Variants in ANK3 observed in about 807,000 individuals in gnomAD.
ANK3 encodes the protein ankyrin-3.
In ANK3, 57 loss-of-function variants were observed where a neutral mutation model predicts 370.9. That is an observed-to-expected ratio of 0.15 (90% CI 0.12 to 0.19). The LOEUF (loss-of-function observed/expected upper bound fraction) is 0.19, where lower values mean the gene tolerates loss of function less well. Ranked by LOEUF, ANK3 falls within the 10% of genes least tolerant of loss-of-function variation. ANK3 has a pLI of 1.00. For synonymous variants in ANK3, 1,929 were observed against 1,946.3 expected (o/e 0.99, Z 0.23); for missense variants, 4,439 against 5,302.1 (o/e 0.84, Z 5.06).
intron 1 of ANK3, among the ~76,000 whole-genome samples, chr10:60,377,176 A>G (rs75342328): frequency 6.6e-6 from 1 of 152,164 alleles, no homozygotes; most frequent in Non-Finnish European, 1.5e-5. Context: ...AGGTCCTTGC[A>G]GAAGAGGGGA....
chr10:60,422,770 C>A (rs2063804489), intron 2 of ANK3, among the ~76,000 whole-genome samples: 1 of 151,842 alleles, frequency 6.6e-6, no homozygotes, highest in Non-Finnish European at 1.5e-5. Flanking sequence ...GAGAGCTTTG[C>A]CAAATATTAA....
Position 60,027,291 on chromosome 10 carries a change from T to C in ANK3, c.*2555A>G, listed in dbSNP as rs2072450549. The C allele has an allele frequency of 6.8e-6, 1 of 146,232 alleles. No homozygotes were observed. Among genetic ancestry groups the C allele is most frequent in the Non-Finnish European group, 1.5e-5 (1 of 65,724 alleles). 9.1% of individuals were successfully genotyped at this position (146,232 alleles called of 1,614,324 possible). ...CAGAGAGGCATTTTGGGAAAGTTTT[T>C]TTTTTTTTTTTTTTTTAAAAAAAAA... On this transcript the variant is annotated 3_prime_UTR_variant, in exon 44 of 44. Transcript: ENST00000280772.
chr10:60,278,334 T>C (rs911838174), intron 4 of ANK3, among the ~76,000 whole-genome samples: 5 of 152,184 alleles, frequency 3.3e-5, no homozygotes, highest in African/African-American at 1.2e-4. Flanking sequence ...CTCACACACA[T>C]ATATATTGCA....
At chr10:60,266,119 GCC>G (rs1333681143) in intron 5 of ANK3, among the ~76,000 whole-genome samples, 6 of 152,054 alleles carry the variant, frequency 3.9e-5, no homozygotes, top group Non-Finnish European at 8.8e-5. Context: ...ATTCCCTGAA[GCC>G]TTAAGAAAGA....
chr10:60,049,995 G>T (rs1366069576), intron 42 of ANK3, among the ~76,000 whole-genome samples: 1 of 152,150 alleles, frequency 6.6e-6, no homozygotes, highest in East Asian at 1.9e-4. Context: ...ACATTAGTAT[G>T]TGATATGTTA....
intron 8 of ANK3, among the ~76,000 whole-genome samples, chr10:60,224,103 G>A (rs959121493): frequency 9.5e-5 from 14 of 147,252 alleles, no homozygotes; most frequent in African/African-American, 3.5e-4. Context: ...CTAGACAAAG[G>A]CAATTTCGGG....
chr10:60,085,588 A>G (rs1476417871), intron 30 of ANK3, among the ~76,000 whole-genome samples: 1 of 149,524 alleles, frequency 6.7e-6, no homozygotes, highest in Non-Finnish European at 1.5e-5. Context: ...GTTGTTTCAG[A>G]TGGATAATTA....
intron 1 of ANK3, among the ~76,000 whole-genome samples, chr10:60,714,218 A>G (rs1596198): frequency 0.36 from 55,184 of 152,100 alleles, 10,171 homozygotes; most frequent in Middle Eastern, 0.41. Context: ...AATCTGAATA[A>G]TCCTTATCTA....
chr10:60,561,262 C>T (rs1178996622), intron 2 of ANK3, among the ~76,000 whole-genome samples: 1 of 152,100 alleles, frequency 6.6e-6, no homozygotes. Flanking sequence ...ATTTCATAAG[C>T]TTCATTGATA....
intron 16 of ANK3, among the ~76,000 whole-genome samples, chr10:60,189,516 G>A (rs1471730220): frequency 6.6e-6 from 1 of 152,104 alleles, no homozygotes; most frequent in African/African-American, 2.4e-5. Flanking sequence ...AAGTGACTCA[G>A]GTATTATTTT....
intron 1 of ANK3, among the ~76,000 whole-genome samples, chr10:60,665,783 T>C (rs1176548826): frequency 6.6e-5 from 10 of 152,178 alleles, no homozygotes; most frequent in Admixed American, 2.6e-4. Context: ...AATAACATAG[T>C]CATGTACTTG....
At chr10:60,700,456 C>T (rs2079531088) in intron 1 of ANK3, among the ~76,000 whole-genome samples, 2 of 151,980 alleles carry the variant, frequency 1.3e-5, no homozygotes, top group Non-Finnish European at 2.9e-5. Flanking sequence ...AATTTCCCCC[C>T]TGGAATTAGA....
At chr10:60,290,810 C>CTTT (rs1252799760) in intron 1 of ANK3, among the ~76,000 whole-genome samples, 3 of 152,124 alleles carry the variant, frequency 2.0e-5, no homozygotes, top group Non-Finnish European at 4.4e-5. Flanking sequence ...AAAGGCAAAA[C>CTTT]AACATTCCCA....
chr10:60,187,552 C>T (rs2096376721), intron 16 of ANK3, among the ~76,000 whole-genome samples: 1 of 151,996 alleles, frequency 6.6e-6, no homozygotes, highest in Non-Finnish European at 1.5e-5. Flanking sequence ...ACAACATGCT[C>T]GATAATTACT....
At chr10:60,166,224 C>T (rs183597204) in intron 23 of ANK3, among the ~76,000 whole-genome samples, 17 of 152,054 alleles carry the variant, frequency 1.1e-4, no homozygotes, top group East Asian at 7.7e-4. Context: ...AAGGAAACTT[C>T]GCTTGTTTTA....
chr10:60,199,604 C>T (rs1047049901), intron 13 of ANK3, among the ~76,000 whole-genome samples: 3 of 152,078 alleles, frequency 2.0e-5, no homozygotes, highest in Non-Finnish European at 1.5e-5. Flanking sequence ...GATAGCCTGA[C>T]CGAACTATCT....
At chr10:60,088,810 A>T (rs1013282337) in intron 28 of ANK3, among the ~76,000 whole-genome samples, 1 of 152,320 alleles carries the variant, frequency 6.6e-6, no homozygotes, top group Middle Eastern at 3.4e-3. Flanking sequence ...GTGACCATAA[A>T]ATATTGGGTT....
chr10:60,586,692 T>C (rs1005034121), intron 2 of ANK3, among the ~76,000 whole-genome samples: 4 of 152,230 alleles, frequency 2.6e-5, no homozygotes, highest in Admixed American at 6.5e-5. Flanking sequence ...ACCATAGATA[T>C]TGTAGCCAGG....
At position 60,172,367 on chromosome 10, in the gene ANK3, C is replaced by T. The variant is rs757859236; in HGVS notation, c.2419G>A (p.Gly807Ser). 1.5e-5 allele frequency: 24 copies of T among 1,613,824 alleles called. No individual in the cohort carries two copies. The highest frequency in any genetic ancestry group is 2.7e-5 in the African/African-American group (2 of 74,864). Residue 807 changes from glycine (G) to serine (S), a missense_variant, in exon 21 of 44, where the codon GGC becomes AGC. By Grantham distance (56) the Gly-to-Ser change is moderately conservative. Transcript: ENST00000280772. Reference protein sequence around the residue: ...NTALGIARRLGYISVVDTLKI... With the variant: ...NTALGIARRLSYISVVDTLKI... ...AGGGTGTCCACTACTGAGATGTAGC[C>T]GAGGCGCCGGGCAATGCCAAGGGCA...
Sources: gnomAD v4.1 joint callset for allele counts (sites outside exome capture counted in the v4.1 genomes callset) on GRCh38, gnomAD v4.1.1 for gene constraint, MANE v1.5 for transcripts, NCBI Gene and HGNC (gene_info 2026-07-23, HGNC 2026-07-21) for gene names.